Variants in TUSC3 observed in about 807,000 individuals in gnomAD.
TUSC3 encodes dolichyl-diphosphooligosaccharide--protein glycosyltransferase subunit TUSC3.
TUSC3 carries 45 observed loss-of-function variants against 44.8 expected under a neutral mutation model. The ratio of observed to expected loss-of-function variants is 1.00; its 90% CI spans 0.79 to 1.29. The LOEUF is 1.29. Ranked by LOEUF, TUSC3 falls within the 50% of genes most tolerant of loss-of-function variation. The probability of loss-of-function intolerance (pLI) is 0.00; values close to 1 mark genes in which losing one functional copy is unlikely to be tolerated. For synonymous variants in TUSC3, 212 were observed against 152.9 expected (o/e 1.39, Z -2.85); for missense variants, 519 against 437.9 (o/e 1.19, Z -1.65).
rs184350889 is a variant in TUSC3 at position 15,483,945 on chromosome 8, C to G, written n.189+462C>G. On this transcript the variant is annotated intron_variant and non_coding_transcript_variant, in intron 2 of 5. Coordinates refer to the TUSC3 transcript ENST00000503191. Reference sequence around the variant, plus strand: ...GTGCTGGGATTACAGGCGTGAGCCACCGCGCCTGGCCTGTGATTTTTAACT... The same window carrying G: ...GTGCTGGGATTACAGGCGTGAGCCAGCGCGCCTGGCCTGTGATTTTTAACT... Among the ~76,000 whole-genome samples, 22 of 152,156 alleles carry G rather than the reference C, an allele frequency of 1.4e-4. No individual in the cohort carries two copies. The East Asian group carries it at 4.1e-3, about 28-fold the overall frequency.
intron 2 of TUSC3, among the ~76,000 whole-genome samples, chr8:15,628,158 T>C (rs1805598636): frequency 1.3e-5 from 2 of 152,356 alleles, no homozygotes; most frequent in South Asian, 2.1e-4. Flanking sequence ...TCCTAAAAAC[T>C]GAATGTATTG....
chr8:15,534,819 C>CGTACAAAAA (rs1801501178), intron 2 of TUSC3, among the ~76,000 whole-genome samples: 1 of 152,110 alleles, frequency 6.6e-6, no homozygotes, highest in Non-Finnish European at 1.5e-5. Flanking sequence ...GTACAGGAAT[C>CGTACAAAAA]AGAAGTGAGG....
chr8:15,480,233 C>G (rs527238647), intron 1 of TUSC3, among the ~76,000 whole-genome samples: 1 of 152,250 alleles, frequency 6.6e-6, no homozygotes, highest in East Asian at 1.9e-4. Flanking sequence ...GAAGAATCAA[C>G]AACATAAAAA....
intron 2 of TUSC3, among the ~76,000 whole-genome samples, chr8:15,533,445 T>C (rs1257590242): frequency 6.6e-6 from 1 of 152,198 alleles, no homozygotes; most frequent in African/African-American, 2.4e-5. Context: ...CTTTGTCTAA[T>C]ACCTGTGAAG....
At chr8:15,423,870 A>G (rs1495090) in intron 1 of TUSC3, among the ~76,000 whole-genome samples, 49,150 of 150,230 alleles carry the variant, frequency 0.33, 9,416 homozygotes, top group African/African-American at 0.54. Context: ...CTCTATTGAG[A>G]GAAGGCGGGA....
At chr8:15,698,626 A>G (rs1241690193) in intron 6 of TUSC3, among the ~76,000 whole-genome samples, 1 of 152,138 alleles carries the variant, frequency 6.6e-6, no homozygotes, top group Non-Finnish European at 1.5e-5. Context: ...AATATTTGCT[A>G]TTAGGTAATT....
intron 1 of TUSC3, among the ~76,000 whole-genome samples, chr8:15,479,066 C>G (rs760440519): frequency 2.6e-5 from 4 of 152,088 alleles, no homozygotes; most frequent in Non-Finnish European, 5.9e-5. Flanking sequence ...GTTTGTTGGC[C>G]TCATAAATGT....
At chr8:15,637,361 T>G (rs541391407) in intron 2 of TUSC3, among the ~76,000 whole-genome samples, 83 of 152,202 alleles carry the variant, frequency 5.5e-4, no homozygotes, top group Non-Finnish European at 1.0e-3. Flanking sequence ...CTGCGTGGAT[T>G]CTGTCTGTTT....
At chr8:15,781,870 T>G in the TUSC3 span, among the ~76,000 whole-genome samples, 1 of 152,164 alleles carries the variant, frequency 6.6e-6, no homozygotes, top group African/African-American at 2.4e-5. Flanking sequence ...CGGTGGCTCA[T>G]GTCTGTAATC....
chr8:15,684,859 C>T (rs932705733), intron 6 of TUSC3, among the ~76,000 whole-genome samples: 2 of 152,158 alleles, frequency 1.3e-5, no homozygotes, highest in African/African-American at 4.8e-5. Context: ...TGCTCCTAGA[C>T]CTCCAGCAAA....
At chr8:15,600,192 T>C (rs1053063920) in intron 1 of TUSC3, among the ~76,000 whole-genome samples, 2 of 151,824 alleles carry the variant, frequency 1.3e-5, no homozygotes, top group Non-Finnish European at 3.0e-5. Context: ...TAATTCATTT[T>C]CCAAATATGT....
chr8:15,690,688 G>A (rs1009974359), intron 6 of TUSC3, among the ~76,000 whole-genome samples: 5 of 152,206 alleles, frequency 3.3e-5, no homozygotes, highest in Non-Finnish European at 7.4e-5. Context: ...ATAGTGTAAG[G>A]AAGGGATCCA....
At chr8:15,575,776 A>C (rs1408345610) in intron 1 of TUSC3, among the ~76,000 whole-genome samples, 1 of 152,122 alleles carries the variant, frequency 6.6e-6, no homozygotes, top group African/African-American at 2.4e-5. Flanking sequence ...TAAAATAAAT[A>C]AATAAATTCT....
chr8:15,683,127 T>G (rs768764283), intron 6 of TUSC3, among the ~76,000 whole-genome samples: 14 of 152,160 alleles, frequency 9.2e-5, no homozygotes, highest in Non-Finnish European at 1.0e-4. Context: ...CTATTTGCCT[T>G]GGGGATGGTC....
At chr8:15,834,913 A>C in the TUSC3 span, among the ~76,000 whole-genome samples, 2 of 152,164 alleles carry the variant, frequency 1.3e-5, no homozygotes, top group African/African-American at 2.4e-5. Flanking sequence ...CTGACTTTTC[A>C]TGTGCACAGG....
At position 15,551,061 on chromosome 8, in the gene TUSC3, C is replaced by G. The variant is rs1026694017; in HGVS notation, c.138+10493C>G. On this transcript the variant is annotated intron_variant, in intron 1 of 10. Transcript: ENST00000503731. The stretch of plus-strand genomic sequence containing the variant: ...AAACTCTGTGTTCTTGGGAAAGTCA[C>G]TTAACCGTTTGGAGCAGCAGTTGTC... Among the ~76,000 whole-genome samples, 5 of 151,750 alleles carry G rather than the reference C, an allele frequency of 3.3e-5. 1 individual carries two copies. The highest frequency in any genetic ancestry group is 1.2e-4 in the African/African-American group (5 of 41,392).
chr8:15,779,474 G>GAGGA, the TUSC3 span, among the ~76,000 whole-genome samples: 5 of 151,960 alleles, frequency 3.3e-5, no homozygotes, highest in Middle Eastern at 0.01. Context: ...AAAGCTGAAG[G>GAGGA]AGTATTGACA....
chr8:15,849,225 T>A, the TUSC3 span, among the ~76,000 whole-genome samples: 45 of 152,292 alleles, frequency 3.0e-4, 1 homozygote, highest in Middle Eastern at 3.4e-3. Context: ...TAATGCCACA[T>A]AATCTTTGGA....
chr8:15,539,316 C>T (rs1801590140), upstream of TUSC3, among the ~76,000 whole-genome samples: 1 of 145,454 alleles, frequency 6.9e-6, no homozygotes, highest in African/African-American at 2.6e-5. Context: ...CCATATCAAA[C>T]GTTCAACATA....
Sources: gnomAD v4.1 joint callset for allele counts (sites outside exome capture counted in the v4.1 genomes callset) on GRCh38, gnomAD v4.1.1 for gene constraint, MANE v1.5 for transcripts, NCBI Gene and HGNC (gene_info 2026-07-23, HGNC 2026-07-21) for gene names.